RPGRIP1L: variants seen among roughly 807,000 people sequenced by gnomAD.
RPGRIP1L encodes protein fantom.
RPGRIP1L carries 131 observed loss-of-function variants against 160.4 expected under a neutral mutation model. The ratio of observed to expected loss-of-function variants is 0.82; its 90% confidence interval spans 0.71 to 0.94. The LOEUF is 0.94. Ranked by LOEUF, RPGRIP1L falls within the 40% of genes least tolerant of loss-of-function variation. RPGRIP1L has a pLI of 0.00. For missense variants in RPGRIP1L, 1,522 were observed against 1,535.8 expected (o/e 0.99, Z 0.15); for synonymous variants, 510 against 515.8 (o/e 0.99, Z 0.15).
In RPGRIP1L at chr16:53,652,625, T is replaced by C; in HGVS notation, c.2062A>G (p.Thr688Ala). The C allele has an allele frequency of 2.5e-6, 4 of 1,614,128 alleles. No individual in the cohort carries two copies. Among genetic ancestry groups the C allele is most frequent in the Non-Finnish European group, 3.4e-6 (4 of 1,179,970 alleles). ...CATGCTGCAATTGTTTCATATTCTGTGCTATAAGCCTGGTGGACCTCAAGG... is the reference window on the plus strand; with the variant it reads ...CATGCTGCAATTGTTTCATATTCTGCGCTATAAGCCTGGTGGACCTCAAGG... Reference protein sequence around the residue: ...ITLEVHQAYSTEYETIAACQL... With the variant: ...ITLEVHQAYSAEYETIAACQL... The change falls in exon 15 of 27, where the codon ACA becomes GCA. Residue 688 changes from threonine (T) to alanine (A), a missense_variant. Physicochemically the swap from Thr to Ala is moderately conservative, Grantham distance 58. Transcript: ENST00000647211.
intron 14 of RPGRIP1L, among the ~76,000 whole-genome samples, chr16:53,655,058 T>C (rs1345228997): frequency 6.6e-6 from 1 of 152,242 alleles, no homozygotes; most frequent in Non-Finnish European, 1.5e-5. Context: ...TCTGCCCTTT[T>C]CATTTTTATC....
rs922290481 is a variant in RPGRIP1L at position 53,652,938 on chromosome 16, T to G, written c.1749A>C (p.Pro583=). ...CAACAGAGTCATCTGGCATGATTTC[T>G]GGTTTAAATTTGTACTGCTTGGTGC... is the stretch of plus-strand genomic sequence containing the variant. ...AYGTKQYKFK[P]EIMPDDSVDE... is the part of the protein sequence containing the mutation. Residue 583 remains proline (P), a synonymous_variant, in exon 15 of 27, where the codon CCA becomes CCC. Transcript: ENST00000647211. 6.2e-7 allele frequency: 1 copy of G among 1,613,720 alleles called. No individual in the cohort carries two copies. Among genetic ancestry groups the G allele is most frequent in the Non-Finnish European group, 8.5e-7 (1 of 1,179,930 alleles).
At chr16:53,613,474 A>G (rs1964180149) in intron 24 of RPGRIP1L, among the ~76,000 whole-genome samples, 1 of 151,942 alleles carries the variant, frequency 6.6e-6, no homozygotes, top group African/African-American at 2.4e-5. Context: ...GAGCACCACT[A>G]TGTCCACCTA....
chr16:53,603,325 T>C (rs558090498), intron 26 of RPGRIP1L, among the ~76,000 whole-genome samples: 2 of 152,274 alleles, frequency 1.3e-5, no homozygotes, highest in African/African-American at 4.8e-5. Flanking sequence ...TGAGTCTTCA[T>C]ATAGTTTCTG....
At chr16:53,608,466 A>G (rs1231330488) in intron 25 of RPGRIP1L, among the ~76,000 whole-genome samples, 6 of 152,214 alleles carry the variant, frequency 3.9e-5, no homozygotes, top group Middle Eastern at 6.3e-3. Flanking sequence ...AACTGAATCC[A>G]AAAAAGGACC....
intron 7 of RPGRIP1L, 29 bp from the exon 8 acceptor site, chr16:53,673,045 C>T: frequency 9.4e-6 from 15 of 1,594,758 alleles, no homozygotes; most frequent in Non-Finnish European, 1.3e-5. Context: ...ATCTTTCAAA[C>T]ATTATTTTTG....
chr16:53,672,958 T>C lies in RPGRIP1L; in HGVS notation c.941A>G (p.Asn314Ser), dbSNP rs774832075. Residue 314 changes from asparagine (N) to serine (S), a missense_variant, in exon 8 of 27, where the codon AAC becomes AGC. Physicochemically the swap from Asn to Ser is conservative, Grantham distance 46 (BLOSUM62 1). Coordinates refer to ENST00000647211, the MANE Select transcript of RPGRIP1L (RefSeq NM_015272.5). Reference protein sequence around the residue: ...DALMANGDELNMQLKEQRLKC... With the variant: ...DALMANGDELSMQLKEQRLKC... ...TAAACGCTGCTCTTTAAGTTGCATGTTTAATTCATCCCCATTTGCCATCAA... is the reference window on the plus strand; with the variant it reads ...TAAACGCTGCTCTTTAAGTTGCATGCTTAATTCATCCCCATTTGCCATCAA... The C allele has an allele frequency of 6.2e-7, 1 of 1,613,344 alleles. No individual in the cohort carries two copies. The highest frequency in any genetic ancestry group is 1.1e-5 in the South Asian group (1 of 91,062).
At chr16:53,680,168 A>C (rs567224547) in intron 6 of RPGRIP1L, among the ~76,000 whole-genome samples, 47 of 152,336 alleles carry the variant, frequency 3.1e-4, no homozygotes, top group African/African-American at 1.1e-3. Context: ...GAAATATCTT[A>C]ATGTTAATAA....
At chr16:53,682,621 T>C (rs912473698) in intron 6 of RPGRIP1L, among the ~76,000 whole-genome samples, 2 of 152,162 alleles carry the variant, frequency 1.3e-5, no homozygotes, top group Non-Finnish European at 2.9e-5. Flanking sequence ...TTGTACTCAG[T>C]GGTTCAGTAA....
At chr16:53,677,759 T>C (rs1479547108) in intron 6 of RPGRIP1L, among the ~76,000 whole-genome samples, 2 of 152,172 alleles carry the variant, frequency 1.3e-5, no homozygotes, top group Non-Finnish European at 2.9e-5. Flanking sequence ...TAGACCTCTG[T>C]GCTTGTGGAG....
chr16:53,668,627 G>A (rs1225175090), intron 9 of RPGRIP1L, among the ~76,000 whole-genome samples: 2 of 152,004 alleles, frequency 1.3e-5, no homozygotes, highest in African/African-American at 4.8e-5. Context: ...TTATAGTTTA[G>A]GAACCATTGC....
rs376055632 is a variant in RPGRIP1L at position 53,660,576 on chromosome 16, A to C, written c.1244-1698T>G. Among the ~76,000 whole-genome samples the C allele has an allele frequency of 6.5e-3, 980 of 151,562 alleles. 15 individuals carry two copies. The highest frequency in any genetic ancestry group is 0.022 in the African/African-American group (911 of 41,458). On this transcript the variant is annotated intron_variant, in intron 10 of 26. Transcript: ENST00000647211. ...AAAAATAAAAAAATAAAAAAAAAAAACCTGTGATCCTAGGCAATACAGAGA... is the reference window on the plus strand; with the variant it reads ...AAAAATAAAAAAATAAAAAAAAAAACCCTGTGATCCTAGGCAATACAGAGA...
chr16:53,697,063 G>A (rs1049494425), intron 2 of RPGRIP1L, among the ~76,000 whole-genome samples: 11 of 151,980 alleles, frequency 7.2e-5, no homozygotes, highest in African/African-American at 1.9e-4. Context: ...GCATGGTGGC[G>A]GACACCTGTA....
At chr16:53,664,030 T>G (rs527739957) in intron 10 of RPGRIP1L, among the ~76,000 whole-genome samples, 1 of 152,198 alleles carries the variant, frequency 6.6e-6, no homozygotes, top group Non-Finnish European at 1.5e-5. Flanking sequence ...AACATTCTCA[T>G]GCAACTGAAT....
intron 2 of RPGRIP1L, 145 bp downstream of exon 2, chr16:53,700,494 T>C: frequency 1.4e-6 from 1 of 719,396 alleles, no homozygotes; most frequent in South Asian, 1.6e-5. Context: ...ATATGTGTTC[T>C]AAACTCTCCA....
chr16:53,652,804 T>C lies in RPGRIP1L; in HGVS notation c.1883A>G (p.Glu628Gly), dbSNP rs1439349181. 4.3e-6 allele frequency: 7 copies of C among 1,614,102 alleles called. No individual in the cohort carries two copies. The highest frequency in any genetic ancestry group is 5.9e-6 in the Non-Finnish European group (7 of 1,179,976). The change falls in exon 15 of 27, where the codon GAG becomes GGG. Residue 628 changes from glutamate to glycine, a missense_variant. Physicochemically the swap from Glu to Gly is moderately conservative, Grantham distance 98 (BLOSUM62 -2). Transcript: ENST00000647211. ...SEVLQASGDKEPVTFCTYAFY... is the reference protein window; with the variant it reads ...SEVLQASGDKGPVTFCTYAFY... ...AGCATAGGTACAGAAAGTGACAGGC[T>C]CTTTATCTCCAGATGCCTGTAAAAC... is the stretch of plus-strand genomic sequence containing the variant.
At chr16:53,641,731 A>T (rs990123401) in intron 17 of RPGRIP1L, among the ~76,000 whole-genome samples, 2 of 152,214 alleles carry the variant, frequency 1.3e-5, no homozygotes, top group African/African-American at 4.8e-5. Flanking sequence ...TTAAGACCTC[A>T]AAGATAATAC....
chr16:53,635,178 GTTAAA>G (rs1381271263), intron 22 of RPGRIP1L, among the ~76,000 whole-genome samples: 1 of 152,104 alleles, frequency 6.6e-6, no homozygotes, highest in Admixed American at 6.5e-5. Flanking sequence ...AAACTTCTTT[GTTAAA>G]TTAAAGTTTA....
At chr16:53,609,075 A>G (rs994133529) in intron 25 of RPGRIP1L, among the ~76,000 whole-genome samples, 6 of 152,092 alleles carry the variant, frequency 3.9e-5, no homozygotes, top group Non-Finnish European at 5.9e-5. Context: ...AGTGGGAGTC[A>G]TTATAGTTAC....
Sources: allele counts gnomAD v4.1 joint callset (sites outside exome capture counted in the v4.1 genomes callset), GRCh38; gene constraint gnomAD v4.1.1; transcripts MANE v1.5; gene names NCBI Gene and HGNC (gene_info 2026-07-23, HGNC 2026-07-21).